The following LRP1B variants were observed in gnomAD, a reference collection of about 807,000 sequenced individuals.
The protein encoded by LRP1B is low-density lipoprotein receptor-related protein 1B.
A neutral mutation model predicts 556.6 loss-of-function variants in LRP1B; 217 were observed. The observed-to-expected ratio is 0.39, with a 90% CI of 0.35 to 0.44. LRP1B has a LOEUF of 0.44. Among genes scored for constraint, LRP1B ranks in the 20% least tolerant of loss-of-function variants. LRP1B has a pLI of 1.00. For missense variants in LRP1B, 5,053 were observed against 5,620.8 expected (o/e 0.90, Z 3.23); for synonymous variants, 2,047 against 1,865.8 (o/e 1.10, Z -2.50).
At chr2:140,583,127 A>C (rs945332654) in intron 43 of LRP1B, among the ~76,000 whole-genome samples, 2 of 149,670 alleles carry the variant, frequency 1.3e-5, no homozygotes, top group African/African-American at 2.5e-5. Context: ...GCATGAGAGC[A>C]TGAGTCTACT....
chr2:140,955,060 T>A (rs1695833167), intron 18 of LRP1B, among the ~76,000 whole-genome samples: 1 of 151,962 alleles, frequency 6.6e-6, no homozygotes, highest in Non-Finnish European at 1.5e-5. Flanking sequence ...TATAATCTTA[T>A]CTCTTGGGTC....
intron 20 of LRP1B, among the ~76,000 whole-genome samples, chr2:140,931,667 A>T (rs2105271921): frequency 6.6e-6 from 1 of 152,284 alleles, no homozygotes; most frequent in South Asian, 2.1e-4. Context: ...AGTTCTAAGT[A>T]TCACCCAAGT....
At chr2:141,069,012 TAAGG>T in intron 7 of LRP1B, among the ~76,000 whole-genome samples, 1 of 152,176 alleles carries the variant, frequency 6.6e-6, no homozygotes, top group African/African-American at 2.4e-5. Context: ...AGAGAAAATA[TAAGG>T]AAGAAGAACA....
At chr2:140,691,488 CA>C (rs35775292) in intron 41 of LRP1B, among the ~76,000 whole-genome samples, 23,465 of 92,616 alleles carry the variant, frequency 0.25, 2,098 homozygotes, top group African/African-American at 0.36. Flanking sequence ...AACTCCACCT[CA>C]AAAAAAAAAA....
At chr2:140,242,885 G>C (rs548797837) in intron 87 of LRP1B, among the ~76,000 whole-genome samples, 5 of 151,242 alleles carry the variant, frequency 3.3e-5, no homozygotes, top group African/African-American at 1.2e-4. Context: ...TTAAAAGGAT[G>C]ATGTTGAAGA....
chr2:140,809,060 T>C (rs1033343352), intron 32 of LRP1B, among the ~76,000 whole-genome samples: 1 of 151,976 alleles, frequency 6.6e-6, no homozygotes, highest in Non-Finnish European at 1.5e-5. Context: ...TAACTCAATG[T>C]CACCAGTATA....
At chr2:140,340,774 A>C (rs1681350681) in intron 77 of LRP1B, among the ~76,000 whole-genome samples, 1 of 151,466 alleles carries the variant, frequency 6.6e-6, no homozygotes, top group African/African-American at 2.4e-5. Flanking sequence ...GGTATATCGA[A>C]ACCAGGCTAA....
intron 18 of LRP1B, among the ~76,000 whole-genome samples, chr2:140,956,855 G>T (rs542507896): frequency 6.6e-6 from 1 of 151,772 alleles, no homozygotes; most frequent in South Asian, 2.1e-4. Flanking sequence ...TCTGAACAGA[G>T]GTCTGTGATT....
At chr2:141,765,006 G>A (rs976682988) in intron 2 of LRP1B, among the ~76,000 whole-genome samples, 6 of 152,066 alleles carry the variant, frequency 3.9e-5, no homozygotes, top group South Asian at 2.1e-4. Context: ...TCCTATTGAC[G>A]ATGATAAAAT....
At chr2:141,499,361 T>C (rs1343145847) in intron 2 of LRP1B, among the ~76,000 whole-genome samples, 4 of 152,236 alleles carry the variant, frequency 2.6e-5, no homozygotes, top group East Asian at 3.9e-4. Flanking sequence ...TGTAACTATA[T>C]GACAGAGTAA....
intron 4 of LRP1B, among the ~76,000 whole-genome samples, chr2:141,252,413 G>T (rs1684299115): frequency 6.6e-6 from 1 of 152,000 alleles, no homozygotes; most frequent in Non-Finnish European, 1.5e-5. Context: ...ATAAACTCAG[G>T]TTTCTTCAGA....
At chr2:141,786,692 G>A (rs1695439007) in intron 2 of LRP1B, among the ~76,000 whole-genome samples, 1 of 151,872 alleles carries the variant, frequency 6.6e-6, no homozygotes, top group Non-Finnish European at 1.5e-5. Context: ...CTGGAGTAGG[G>A]AGAGCAGACA....
At chr2:140,955,746 C>T (rs1209731742) in intron 18 of LRP1B, among the ~76,000 whole-genome samples, 3 of 151,448 alleles carry the variant, frequency 2.0e-5, no homozygotes, top group Admixed American at 1.3e-4. Context: ...CAAGGGTAAT[C>T]GTGATTGGTA....
chr2:141,992,020 T>A (rs1290663391), intron 1 of LRP1B, among the ~76,000 whole-genome samples: 1 of 152,142 alleles, frequency 6.6e-6, no homozygotes, highest in East Asian at 1.9e-4. Context: ...CGTATATTTT[T>A]ATATAACCTA....
chr2:141,421,473 G>A (rs1160003779), intron 3 of LRP1B, among the ~76,000 whole-genome samples: 1 of 147,508 alleles, frequency 6.8e-6, no homozygotes, highest in Non-Finnish European at 1.5e-5. Context: ...AGCTTGCAGT[G>A]AGCCGAGATC....
intron 41 of LRP1B, among the ~76,000 whole-genome samples, chr2:140,640,383 C>CTTTTTTTTTT (rs70988414): frequency 0.016 from 779 of 48,526 alleles, 241 homozygotes; most frequent in Non-Finnish European, 0.022. Context: ...GTCCTGTTTT[C>CTTTTTTTTTT]TTTTTTTTTT....
At chr2:140,621,325 C>T (rs549981857) in intron 41 of LRP1B, among the ~76,000 whole-genome samples, 5 of 140,694 alleles carry the variant, frequency 3.6e-5, no homozygotes, top group East Asian at 2.1e-4. Flanking sequence ...GCAGAGGTTG[C>T]GGTGAGCTGA....
chr2:140,712,174 G>C (rs1024201573), intron 37 of LRP1B, among the ~76,000 whole-genome samples: 3 of 152,042 alleles, frequency 2.0e-5, no homozygotes, highest in African/African-American at 4.8e-5. Context: ...GAGAGTGTCT[G>C]TTTTCCCGGA....
chr2:141,767,726 G>A (rs1289516032), intron 2 of LRP1B, among the ~76,000 whole-genome samples: 1 of 152,112 alleles, frequency 6.6e-6, no homozygotes, highest in African/African-American at 2.4e-5. Flanking sequence ...TAGCCTGTGG[G>A]AGCCAGAGAA....
Sources: gnomAD v4.1 joint callset for allele counts (sites outside exome capture counted in the v4.1 genomes callset) on GRCh38, gnomAD v4.1.1 for gene constraint, MANE v1.5 for transcripts, NCBI Gene and HGNC (gene_info 2026-07-23, HGNC 2026-07-21) for gene names.